DENND1A: variants seen among roughly 807,000 people sequenced by gnomAD.
DENND1A encodes DENN domain containing 1A, also known as DENN domain-containing protein 1A.
Under a neutral mutation model 113.7 loss-of-function variants are expected in DENND1A, and 51 were observed. The observed-to-expected ratio is 0.45, with a 90% CI of 0.36 to 0.57. DENND1A has a LOEUF of 0.57. DENND1A is among the 20% of genes least tolerant of loss of function. DENND1A has a pLI of 0.00. For synonymous variants in DENND1A, 565 were observed against 570.8 expected (o/e 0.99, Z 0.14); for missense variants, 1,258 against 1,395.9 (o/e 0.90, Z 1.57).
intron 10 of DENND1A, among the ~76,000 whole-genome samples, chr9:123,623,307 A>C (rs1224369845): frequency 6.6e-6 from 1 of 152,256 alleles, no homozygotes; most frequent in Non-Finnish European, 1.5e-5. Flanking sequence ...TGGTGAAAAA[A>C]GCAATCATCA....
intron 19 of DENND1A, among the ~76,000 whole-genome samples, chr9:123,429,702 G>A (rs1416157843): frequency 3.3e-5 from 5 of 152,168 alleles, no homozygotes; most frequent in South Asian, 4.2e-4. Flanking sequence ...AACCCAAGAT[G>A]GATTAAAGAC....
At chr9:123,451,906 C>CTT (rs1164682284) in intron 17 of DENND1A, among the ~76,000 whole-genome samples, 5 of 152,102 alleles carry the variant, frequency 3.3e-5, no homozygotes, top group African/African-American at 1.2e-4. Flanking sequence ...ACTTAAGAGT[C>CTT]TCATCGCTTG....
At chr9:123,460,459 C>T (rs1225207397) in intron 13 of DENND1A, among the ~76,000 whole-genome samples, 1 of 152,208 alleles carries the variant, frequency 6.6e-6, no homozygotes, top group African/African-American at 2.4e-5. Flanking sequence ...AAGCTCTATA[C>T]CCATCCATCT....
At chr9:123,565,032 C>T (rs367961458) in intron 12 of DENND1A, among the ~76,000 whole-genome samples, 2 of 131,982 alleles carry the variant, frequency 1.5e-5, no homozygotes, top group African/African-American at 5.5e-5. Context: ...TACTCTGTTG[C>T]CCAGGCTGGA....
At chr9:123,490,845 C>T (rs73665306) in intron 13 of DENND1A, among the ~76,000 whole-genome samples, 1 of 152,338 alleles carries the variant, frequency 6.6e-6, no homozygotes, top group South Asian at 2.1e-4. Flanking sequence ...GCACATCTCC[C>T]TTTGGGCGAG....
intron 12 of DENND1A, among the ~76,000 whole-genome samples, chr9:123,582,415 T>G (rs2058947363): frequency 6.6e-6 from 1 of 152,096 alleles, no homozygotes; most frequent in Non-Finnish European, 1.5e-5. Flanking sequence ...TTTTTTTTTT[T>G]TTGAGATGGA....
intron 1 of DENND1A, among the ~76,000 whole-genome samples, chr9:123,889,143 A>C (rs1849545593): frequency 6.6e-6 from 1 of 152,166 alleles, no homozygotes; most frequent in South Asian, 2.1e-4. Flanking sequence ...CAGGAATGAC[A>C]TGTGGTTCTA....
At chr9:123,590,940 C>T (rs890032184) in intron 11 of DENND1A, among the ~76,000 whole-genome samples, 6 of 152,182 alleles carry the variant, frequency 3.9e-5, no homozygotes, top group Non-Finnish European at 2.9e-5. Flanking sequence ...CCAGGGCCAC[C>T]ACCCAGTGTA....
intron 13 of DENND1A, among the ~76,000 whole-genome samples, chr9:123,478,358 C>T (rs1164894942): frequency 6.6e-6 from 1 of 152,256 alleles, no homozygotes; most frequent in Non-Finnish European, 1.5e-5. Context: ...GTAGCTGTCA[C>T]TCCCAGCCAT....
intron 19 of DENND1A, 52 bp from the exon 20 acceptor site, chr9:123,411,881 G>T: frequency 1.0e-6 from 1 of 979,154 alleles, no homozygotes; most frequent in African/African-American, 1.7e-5. Flanking sequence ...AAGGCTCAAT[G>T]CATTTCCACA....
chr9:123,708,520 T>C (rs1239999970), intron 5 of DENND1A, among the ~76,000 whole-genome samples: 2 of 152,208 alleles, frequency 1.3e-5, no homozygotes, highest in Non-Finnish European at 2.9e-5. Context: ...TTCAGTTTTT[T>C]AGCATGTTGC....
rs534858934 is a variant in DENND1A at position 123,479,111 on chromosome 9, T to C, written c.994-21214A>G. Among the ~76,000 whole-genome samples the C allele has an allele frequency of 2.6e-5, 4 of 152,332 alleles. No homozygotes were observed. The South Asian group carries it at 8.3e-4, about 32-fold the overall frequency. Reference sequence around the variant, plus strand: ...AATATGTGACAGGCATGGTAAGGCATCTACCATCTTTTCACAGATCTGGAA... The same window carrying C: ...AATATGTGACAGGCATGGTAAGGCACCTACCATCTTTTCACAGATCTGGAA... On this transcript the variant is annotated intron_variant, in intron 13 of 23. Coordinates refer to ENST00000394215, the MANE Select transcript of DENND1A (RefSeq NM_001352964.2).
chr9:123,903,243 A>T (rs1038277168), intron 1 of DENND1A, among the ~76,000 whole-genome samples: 2 of 144,200 alleles, frequency 1.4e-5, no homozygotes, highest in African/African-American at 5.3e-5. Flanking sequence ...GAGGCAGGAG[A>T]ATGGCGTGAA....
intron 1 of DENND1A, among the ~76,000 whole-genome samples, chr9:123,921,655 A>G (rs1856275187): frequency 6.6e-6 from 1 of 152,234 alleles, no homozygotes; most frequent in East Asian, 1.9e-4. Context: ...TACTCATTCA[A>G]TAAAGCACAC....
chr9:123,640,166 C>G (rs184659178), intron 9 of DENND1A, among the ~76,000 whole-genome samples: 1 of 152,168 alleles, frequency 6.6e-6, no homozygotes, highest in African/African-American at 2.4e-5. Context: ...AGAGAAAGAT[C>G]AAAATGCAAA....
intron 13 of DENND1A, among the ~76,000 whole-genome samples, chr9:123,458,646 T>C (rs528210787): frequency 6.6e-6 from 1 of 152,248 alleles, no homozygotes; most frequent in Admixed American, 6.5e-5. Context: ...AACCCTTTAT[T>C]CAGATAGGAT....
At chr9:123,687,934 A>G (rs2064918328) in intron 5 of DENND1A, among the ~76,000 whole-genome samples, 1 of 152,254 alleles carries the variant, frequency 6.6e-6, no homozygotes. Context: ...AATCCTGAAG[A>G]GGACTGAATC....
intron 1 of DENND1A, among the ~76,000 whole-genome samples, chr9:123,881,312 C>G (rs1306778493): frequency 6.6e-6 from 1 of 152,074 alleles, no homozygotes; most frequent in South Asian, 2.1e-4. Flanking sequence ...ATACCATATG[C>G]AAACACCCCT....
intron 19 of DENND1A, among the ~76,000 whole-genome samples, chr9:123,435,566 A>C (rs1323152445): frequency 6.6e-6 from 1 of 152,242 alleles, no homozygotes; most frequent in Non-Finnish European, 1.5e-5. Flanking sequence ...GCTTTTTGCA[A>C]TCTATCAGAT....
Sources: gnomAD v4.1 joint callset for allele counts (sites outside exome capture counted in the v4.1 genomes callset) on GRCh38, gnomAD v4.1.1 for gene constraint, MANE v1.5 for transcripts, NCBI Gene and HGNC (gene_info 2026-07-23, HGNC 2026-07-21) for gene names.